DHX15: variants seen among roughly 807,000 people sequenced by gnomAD.
DHX15 encodes ATP-dependent RNA helicase DHX15.
DHX15 carries 11 observed loss-of-function variants against 94.4 expected under a neutral mutation model. The ratio of observed to expected loss-of-function variants is 0.12; its 90% CI spans 0.07 to 0.19. The LOEUF (loss-of-function observed/expected upper bound fraction) is 0.19. Among genes scored for constraint, DHX15 ranks in the 10% least tolerant of loss-of-function variants. The probability of loss-of-function intolerance (pLI) is 1.00; values close to 1 mark genes in which losing one functional copy is unlikely to be tolerated. For synonymous variants in DHX15, 338 were observed against 329.9 expected (o/e 1.02, Z -0.27); for missense variants, 304 against 988.5 (o/e 0.31, Z 9.29).
intron 6 of DHX15, among the ~76,000 whole-genome samples, chr4:24,545,908 C>G (rs1721412180): frequency 6.6e-6 from 1 of 152,064 alleles, no homozygotes; most frequent in African/African-American, 2.4e-5. Context: ...TGGAACAGAC[C>G]CTATGGTGAA....
At chr4:24,541,852 G>A (rs1468145517) in intron 8 of DHX15, 21 bp downstream of exon 8, 1 of 1,533,716 alleles carries the variant, frequency 6.5e-7, no homozygotes, top group South Asian at 1.2e-5. Flanking sequence ...CATATCGGCA[G>A]GAAACGACAA....
At chr4:24,566,138 G>A (rs1721987048) in intron 3 of DHX15, among the ~76,000 whole-genome samples, 1 of 151,608 alleles carries the variant, frequency 6.6e-6, no homozygotes, top group Admixed American at 6.6e-5. Flanking sequence ...CAAACTCTTG[G>A]GTCCAAGTGA....
At chr4:24,546,472 G>A (rs917705017) in intron 6 of DHX15, among the ~76,000 whole-genome samples, 7 of 152,126 alleles carry the variant, frequency 4.6e-5, no homozygotes, top group African/African-American at 1.7e-4. Flanking sequence ...AAAAAATGCA[G>A]AAGTTATCTA....
chr4:24,550,787 A>G (rs576251065), intron 5 of DHX15, among the ~76,000 whole-genome samples: 116 of 152,254 alleles, frequency 7.6e-4, no homozygotes, highest in Non-Finnish European at 1.3e-3. Context: ...CATGTAGTAT[A>G]GTAAATACAA....
chr4:24,537,044 C>T lies in DHX15; in HGVS notation c.1909+7G>A, dbSNP rs1434931293. 3 of 1,612,132 alleles carry T rather than the reference C, an allele frequency of 1.9e-6. No individual in the cohort carries two copies. The highest frequency in any genetic ancestry group is 2.5e-6 in the Non-Finnish European group (3 of 1,178,906). On this transcript the variant is annotated splice_region_variant and intron_variant, in intron 11 of 13. Coordinates refer to ENST00000336812, the MANE Select transcript of DHX15 (RefSeq NM_001358.3). The surrounding 1 kb of genome is among the most constrained non-coding windows in gnomAD (Gnocchi z 4.7). ...ACAAGAGTGTCTCCAATCAAATTTA[C>T]ACTTACTTTGTTTAAAAGCATGGTA...
chr4:24,541,039 T>C lies in DHX15; in HGVS notation c.1486-91A>G, dbSNP rs182507245. Reference sequence around the variant, plus strand: ...CAAAAATCTGCTGCCTCCTGAGCTATTTGTTTTGGCATTACTTCTACACTG... The same window carrying C: ...CAAAAATCTGCTGCCTCCTGAGCTACTTGTTTTGGCATTACTTCTACACTG... On this transcript the variant is annotated intron_variant, in intron 8 of 13. Transcript: ENST00000336812. The C allele has an allele frequency of 5.7e-3, 3,960 of 693,642 alleles. 41 individuals carry two copies. The highest frequency in any genetic ancestry group is 0.024 in the South Asian group (1,279 of 53,478). 43.0% of individuals were successfully genotyped at this position (693,642 alleles called of 1,614,324 possible).
At chr4:24,532,389 C>T (rs1312981306) in intron 12 of DHX15, among the ~76,000 whole-genome samples, 1 of 152,172 alleles carries the variant, frequency 6.6e-6, no homozygotes, top group Non-Finnish European at 1.5e-5. Context: ...TTTGGAGGTG[C>T]TTAGTTTTTA....
In DHX15 at chr4:24,576,733, T is replaced by C; in HGVS notation, c.72-55A>G. 11 of 1,582,426 alleles carry C rather than the reference T, an allele frequency of 7.0e-6. No homozygotes were observed. The South Asian group carries it at 1.2e-4, about 17-fold the overall frequency. ...TGAATTTTATGCAGAATGTTCACGG[T>C]AGCGTTATAATCACAAAGAGAGTAA... is the stretch of plus-strand genomic sequence containing the variant. On this transcript the variant is annotated intron_variant, in intron 1 of 13. Transcript: ENST00000336812.
At chr4:24,540,002 T>G in intron 10 of DHX15, 106 bp downstream of exon 10, 5 of 753,664 alleles carry the variant, frequency 6.6e-6, no homozygotes, top group Non-Finnish European at 6.0e-6. Context: ...CTTAAAACCA[T>G]CTATAAAATC....
At chr4:24,570,904 G>A in intron 2 of DHX15, 57 bp from the exon 3 acceptor site, 1 of 1,537,572 alleles carries the variant, frequency 6.5e-7, no homozygotes, top group Non-Finnish European at 8.9e-7. Context: ...TCAAGTATAT[G>A]TAACATAAAG....
At chr4:24,541,398 G>A (rs1721307050) in intron 8 of DHX15, among the ~76,000 whole-genome samples, 1 of 152,090 alleles carries the variant, frequency 6.6e-6, no homozygotes, top group South Asian at 2.1e-4. Flanking sequence ...TTGTGCTCAA[G>A]TAACCTTTTA....
intron 3 of DHX15, among the ~76,000 whole-genome samples, chr4:24,566,076 C>T (rs1721986062): frequency 6.7e-6 from 1 of 150,042 alleles, no homozygotes; most frequent in South Asian, 2.1e-4. Context: ...TGGAGTCTTG[C>T]TCTGTCACCC....
intron 5 of DHX15, among the ~76,000 whole-genome samples, chr4:24,552,067 T>C (rs1004326793): frequency 6.6e-6 from 1 of 152,200 alleles, no homozygotes; most frequent in East Asian, 1.9e-4. Context: ...AAACTTGCAA[T>C]AAAAATTTTC....
At chr4:24,562,898 T>C (rs886437875) in intron 3 of DHX15, among the ~76,000 whole-genome samples, 7 of 152,174 alleles carry the variant, frequency 4.6e-5, no homozygotes, top group African/African-American at 7.2e-5. Flanking sequence ...AAACCAAGCA[T>C]TCCAAAAGAT....
chr4:24,540,015 CTA>C, intron 10 of DHX15, 91 bp downstream of exon 10: 1 of 899,648 alleles, frequency 1.1e-6, no homozygotes, highest in Non-Finnish European at 1.6e-6. Flanking sequence ...ATAAAATCCA[CTA>C]TCATACTAAA....
chr4:24,573,822 T>G (rs1336154277), intron 2 of DHX15, among the ~76,000 whole-genome samples: 3 of 152,178 alleles, frequency 2.0e-5, no homozygotes, highest in African/African-American at 7.2e-5. Flanking sequence ...TTGGTTGACC[T>G]AGCTTCAATT....
intron 1 of DHX15, 46 bp downstream of exon 1, chr4:24,584,277 C>T (rs958054960): frequency 3.8e-6 from 6 of 1,581,050 alleles, no homozygotes; most frequent in Non-Finnish European, 5.1e-6. Context: ...CTGCCAGGAC[C>T]CCAACAAAGC....
At chr4:24,572,291 C>T (rs757924100) in intron 2 of DHX15, among the ~76,000 whole-genome samples, 4 of 152,104 alleles carry the variant, frequency 2.6e-5, no homozygotes, top group African/African-American at 4.8e-5. Context: ...CGTGCCACCA[C>T]GCCTGGCTAA....
At chr4:24,562,583 G>A (rs73804159) in intron 3 of DHX15, among the ~76,000 whole-genome samples, 5,460 of 152,154 alleles carry the variant, frequency 0.036, 297 homozygotes, top group African/African-American at 0.12. Flanking sequence ...TAACTGCCTG[G>A]CACTTGGGAA....
Sources: allele counts gnomAD v4.1 joint callset (sites outside exome capture counted in the v4.1 genomes callset), GRCh38; gene constraint gnomAD v4.1.1; non-coding constraint Gnocchi (gnomAD v3.1); transcripts MANE v1.5; gene names NCBI Gene and HGNC (gene_info 2026-07-23, HGNC 2026-07-21).